DNAH17: variants seen among roughly 807,000 people sequenced by gnomAD.
DNAH17 encodes the protein dynein axonemal heavy chain 17.
Under a neutral mutation model 485.6 loss-of-function variants are expected in DNAH17, and 376 were observed. That is an observed-to-expected ratio of 0.77 (90% confidence interval 0.71 to 0.84). The LOEUF (loss-of-function observed/expected upper bound fraction) is 0.84, where lower values mean the gene tolerates loss of function less well. Among genes scored for constraint, DNAH17 ranks in the 40% least tolerant of loss-of-function variants. The probability of loss-of-function intolerance (pLI) is 0.00; values close to 1 mark genes in which losing one functional copy is unlikely to be tolerated. For missense variants in DNAH17, 6,370 were observed against 5,839.3 expected (o/e 1.09, Z -2.96); for synonymous variants, 3,031 against 2,405.9 (o/e 1.26, Z -7.60).
chr17:78,475,911 C>G (rs2088994021), intron 52 of DNAH17, 78 bp from the exon 53 acceptor site: 1 of 1,513,800 alleles, frequency 6.6e-7, no homozygotes, highest in African/African-American at 1.4e-5. Flanking sequence ...CAATTCAGTA[C>G]TTTGCCAAGG....
At chr17:78,454,233 G>A (rs1056264096) in intron 64 of DNAH17, among the ~76,000 whole-genome samples, 5 of 152,218 alleles carry the variant, frequency 3.3e-5, no homozygotes, top group African/African-American at 1.2e-4. Flanking sequence ...CCCCAGGCCT[G>A]AGCCTCCGTC....
At chr17:78,453,670 G>A (rs1176178262) in intron 64 of DNAH17, among the ~76,000 whole-genome samples, 1 of 152,230 alleles carries the variant, frequency 6.6e-6, no homozygotes, top group East Asian at 1.9e-4. Context: ...TGCTCTTATG[G>A]GAGTGGAGAT....
chr17:78,461,120 CG>C (rs113246600), intron 58 of DNAH17, among the ~76,000 whole-genome samples: 11 of 151,522 alleles, frequency 7.3e-5, no homozygotes, highest in East Asian at 3.9e-4. Context: ...CCTACCCTCT[CG>C]GGGGGGGCCC....
Position 78,529,760 on chromosome 17 carries a change from G to A in DNAH17, c.3285-66C>T, listed in dbSNP as rs900994736. The A allele has an allele frequency of 2.0e-6, 3 of 1,530,746 alleles. No individual in the cohort carries two copies. The African/African-American group carries it at 4.1e-5, about 21-fold the overall frequency. The allele number at this position is 1,530,746 out of a possible 1,614,324, so 94.8% of individuals were successfully genotyped here. ...TTAGGCCCACCCTTGATGGTACGGA[G>A]CCCCATGAGAGGGGGACGACCGCGG... On this transcript the variant is annotated intron_variant, in intron 21 of 80. Coordinates refer to ENST00000389840, the MANE Select transcript of DNAH17 (RefSeq NM_173628.4).
intron 16 of DNAH17, among the ~76,000 whole-genome samples, chr17:78,544,718 G>A (rs538800594): frequency 1.7e-4 from 24 of 144,996 alleles, no homozygotes; most frequent in Admixed American, 2.9e-4. Flanking sequence ...GGAGAATGGC[G>A]TGAACCCGGG....
At chr17:78,439,692 T>C (rs7222668) in intron 72 of DNAH17, among the ~76,000 whole-genome samples, 12,004 of 125,228 alleles carry the variant, frequency 0.096, 601 homozygotes, top group Middle Eastern at 0.18. Context: ...TTTTTTGAGA[T>C]GGAGTCTCAC....
intron 60 of DNAH17, among the ~76,000 whole-genome samples, chr17:78,459,571 G>T (rs2087991262): frequency 6.6e-6 from 1 of 152,210 alleles, no homozygotes; most frequent in African/African-American, 2.4e-5. Flanking sequence ...CCTCTGTGGG[G>T]CCTGGCTGGC....
chr17:78,434,482 T>C (rs916037312), intron 74 of DNAH17, among the ~76,000 whole-genome samples: 1 of 152,218 alleles, frequency 6.6e-6, no homozygotes, highest in Admixed American at 6.5e-5. Flanking sequence ...GTTGAATTAT[T>C]GATACTGCTT....
chr17:78,465,983 T>C (rs577688904), intron 56 of DNAH17, among the ~76,000 whole-genome samples: 1 of 151,218 alleles, frequency 6.6e-6, no homozygotes, highest in Non-Finnish European at 1.5e-5. Context: ...CTTTGTGGAA[T>C]GGAGAGGCGG....
chr17:78,490,088 A>G (rs948850257), intron 44 of DNAH17: 2 of 152,360 alleles, frequency 1.3e-5, no homozygotes, highest in East Asian at 3.9e-4. Context: ...CCATTTCTCC[A>G]GATTTCAGAT....
At chr17:78,566,541 G>T in intron 11 of DNAH17, 73 bp downstream of exon 11, 1 of 1,122,154 alleles carries the variant, frequency 8.9e-7, no homozygotes, top group Non-Finnish European at 1.3e-6. Context: ...TGGTCTCCAA[G>T]ATCGTTCTCG....
At chr17:78,442,804 G>C (rs541896131) in intron 71 of DNAH17, among the ~76,000 whole-genome samples, 1 of 152,214 alleles carries the variant, frequency 6.6e-6, no homozygotes, top group Admixed American at 6.5e-5. Flanking sequence ...TGTTGCGCAC[G>C]TGGGGGTGGC....
At chr17:78,485,832 T>C in intron 46 of DNAH17, 75 bp from the exon 47 acceptor site, 3 of 1,582,414 alleles carry the variant, frequency 1.9e-6, no homozygotes, top group Non-Finnish European at 2.6e-6. Flanking sequence ...GCAGGCCATG[T>C]TCTACCGAAC....
chr17:78,514,407 AG>A (rs1450587963), intron 26 of DNAH17, among the ~76,000 whole-genome samples: 2 of 149,832 alleles, frequency 1.3e-5, no homozygotes, highest in Admixed American at 1.3e-4. Context: ...TGGGAGGCTA[AG>A]GCAGAAGAAC....
Position 78,526,754 on chromosome 17 carries a change from CA to C in DNAH17, c.3625-18del. On this transcript the variant is annotated intron_variant, in intron 23 of 80. Coordinates refer to ENST00000389840, the MANE Select transcript of DNAH17 (RefSeq NM_173628.4). ...TTGCTTGAGCTGCGAGAGAAGAGTG[CA>C]AAGTACAGAGAGTCACGGGGCGGCC... 1 of 1,598,256 alleles carries C rather than the reference CA, an allele frequency of 6.3e-7. No individual in the cohort carries two copies. The highest frequency in any genetic ancestry group is 8.6e-7 in the Non-Finnish European group (1 of 1,169,226).
chr17:78,577,305 C>G lies in DNAH17; in HGVS notation c.-36G>C, dbSNP rs531690371. On this transcript the variant is annotated 5_prime_UTR_variant, in exon 1 of 81. Coordinates refer to ENST00000389840, the MANE Select transcript of DNAH17 (RefSeq NM_173628.4). ...TTGAAGGCCGCTCACCAGCTGAAGG[C>G]AAACAGCTTCTCCCGCAAACTGATG... 1.1e-4 allele frequency: 17 copies of G among 152,486 alleles called. No individual in the cohort carries two copies. The highest frequency in any genetic ancestry group is 4.6e-4 in the Admixed American group (7 of 15,308). The allele number at this position is 152,486 out of a possible 1,614,324, so 9.4% of individuals were successfully genotyped here. A position where few individuals can be genotyped will look rare whatever the true frequency, so the allele number is the denominator to read the frequency against.
chr17:78,506,666 T>C (rs1472151215), intron 30 of DNAH17, 54 bp downstream of exon 30: 1 of 1,611,250 alleles, frequency 6.2e-7, no homozygotes, highest in Non-Finnish European at 8.5e-7. Context: ...GGTGCCCACC[T>C]GGGGTCTGGC....
At chr17:78,442,531 T>C (rs2087113893) in intron 71 of DNAH17, among the ~76,000 whole-genome samples, 1 of 152,246 alleles carries the variant, frequency 6.6e-6, no homozygotes, top group African/African-American at 2.4e-5. Context: ...TATGAAGTCC[T>C]GCCCCTAGGC....
Position 78,494,243 on chromosome 17 carries a change from G to T in DNAH17, c.6271-70C>A, listed in dbSNP as rs575065244. On this transcript the variant is annotated intron_variant, in intron 40 of 80. Transcript: ENST00000389840. ...TTCTTTCTTCTCGCTGGGAGGCTGG[G>T]GGGCTTCCTGCCCCGTGGGGGAGAT... The T allele has an allele frequency of 1.3e-4, 196 of 1,559,390 alleles. No individual in the cohort carries two copies. In the African/African-American group the frequency reaches 2.1e-3, roughly 17 times the overall value.
Sources: allele counts gnomAD v4.1 joint callset (sites outside exome capture counted in the v4.1 genomes callset), GRCh38; gene constraint gnomAD v4.1.1; transcripts MANE v1.5; gene names NCBI Gene and HGNC (gene_info 2026-07-23, HGNC 2026-07-21).